Variants in NECAB1 observed in about 807,000 individuals in gnomAD.
NECAB1 encodes the protein N-terminal EF-hand calcium-binding protein 1.
Under a neutral mutation model 57.5 loss-of-function variants are expected in NECAB1, and 29 were observed. That is an observed-to-expected ratio of 0.50 (90% confidence interval 0.38 to 0.69). NECAB1 has a LOEUF of 0.69. Among genes scored for constraint, NECAB1 ranks in the 30% least tolerant of loss-of-function variants. The pLI, the probability that NECAB1 is intolerant of heterozygous loss-of-function variation, is 0.00. For synonymous variants in NECAB1, 142 were observed against 147.7 expected (o/e 0.96, Z 0.28); for missense variants, 372 against 413.8 (o/e 0.90, Z 0.88).
chr8:90,886,287 C>T (rs1026017198), intron 5 of NECAB1, among the ~76,000 whole-genome samples: 4 of 151,726 alleles, frequency 2.6e-5, no homozygotes, highest in Non-Finnish European at 4.4e-5. Flanking sequence ...AGGAGTCCTA[C>T]TGATTTTTTT....
intron 3 of NECAB1, among the ~76,000 whole-genome samples, chr8:90,839,796 G>T (rs1812426900): frequency 1.3e-5 from 2 of 152,170 alleles, no homozygotes; most frequent in South Asian, 4.1e-4. Flanking sequence ...AAAGGCTTGA[G>T]AATCAGTGGG....
chr8:90,824,873 C>T (rs953887358), intron 3 of NECAB1, 48 bp downstream of exon 3: 26 of 940,416 alleles, frequency 2.8e-5, no homozygotes, highest in African/African-American at 2.7e-4. Flanking sequence ...GCACAGAGAG[C>T]GTGAATGCAT....
At chr8:90,860,377 T>G (rs1042182310) in intron 3 of NECAB1, among the ~76,000 whole-genome samples, 14 of 152,012 alleles carry the variant, frequency 9.2e-5, no homozygotes, top group Non-Finnish European at 1.8e-4. Context: ...TTTATAGAGC[T>G]CTAAAAATGA....
chr8:90,876,274 A>T (rs1208080055), intron 4 of NECAB1, among the ~76,000 whole-genome samples: 1 of 152,032 alleles, frequency 6.6e-6, no homozygotes, highest in Non-Finnish European at 1.5e-5. Context: ...GATGATTGAG[A>T]TGTAAGAGAG....
At position 90,858,532 on chromosome 8, in the gene NECAB1, A is replaced by G. The variant is rs141917751; in HGVS notation, c.234-13596A>G. Among the ~76,000 whole-genome samples the G allele has an allele frequency of 5.5e-3, 843 of 152,164 alleles. 7 individuals are homozygous for G. The highest frequency in any genetic ancestry group is 8.3e-3 in the Non-Finnish European group (567 of 67,982). ...AAAACATTTCTAATGAAAGAAAGAG[A>G]GTATATCCATGAATATCTGAGACTG... On this transcript the variant is annotated intron_variant, in intron 3 of 12. Transcript: ENST00000417640.
chr8:90,917,378 C>G, intron 5 of NECAB1, 114 bp from the exon 6 acceptor site: 4 of 855,976 alleles, frequency 4.7e-6, no homozygotes, highest in East Asian at 2.9e-5. Flanking sequence ...TTCTCTCCAC[C>G]CTCTCTCTCT....
chr8:90,909,733 A>G lies in NECAB1; in HGVS notation c.358-7759A>G, dbSNP rs75229983. Among the ~76,000 whole-genome samples, 1,360 of 152,230 alleles carry G rather than the reference A, an allele frequency of 8.9e-3. 15 individuals carry two copies. The highest frequency in any genetic ancestry group is 0.015 in the Non-Finnish European group (991 of 67,970). On this transcript the variant is annotated intron_variant, in intron 5 of 12. Coordinates refer to ENST00000417640, the MANE Select transcript of NECAB1 (RefSeq NM_022351.5). ...CTCTATATGTCTCCATGCATGAAGA[A>G]TTCTTGCTTTGTCAGTCCAGCAATT... is the stretch of plus-strand genomic sequence containing the variant.
At chr8:90,933,498 T>G (rs1810458130) in intron 8 of NECAB1, among the ~76,000 whole-genome samples, 1 of 152,170 alleles carries the variant, frequency 6.6e-6, no homozygotes, top group South Asian at 2.1e-4. Context: ...CCATTCTATA[T>G]TCTCACTCAT....
At chr8:90,934,484 T>C (rs1268491180) in intron 9 of NECAB1, 127 bp downstream of exon 9, 2 of 647,138 alleles carry the variant, frequency 3.1e-6, no homozygotes, top group Non-Finnish European at 5.0e-6. Context: ...TTTTATAAGA[T>C]TCAGTAGTGT....
chr8:90,895,277 A>T (rs932793836), intron 5 of NECAB1, among the ~76,000 whole-genome samples: 3 of 152,230 alleles, frequency 2.0e-5, no homozygotes, highest in African/African-American at 7.2e-5. Context: ...TGGAAGCACA[A>T]AGGAGGTATG....
chr8:90,940,659 T>C, intron 9 of NECAB1, 127 bp from the exon 10 acceptor site: 1 of 686,286 alleles, frequency 1.5e-6, no homozygotes, highest in Non-Finnish European at 2.6e-6. Context: ...AGTCATGGCC[T>C]TCCTTGGTCA....
intron 3 of NECAB1, among the ~76,000 whole-genome samples, chr8:90,833,556 C>T (rs180940813): frequency 3.3e-4 from 50 of 152,020 alleles, no homozygotes; most frequent in South Asian, 1.7e-3. Flanking sequence ...TCTTTCTTTC[C>T]GCCAGCCATG....
intron 3 of NECAB1, among the ~76,000 whole-genome samples, chr8:90,866,030 G>A (rs1308496223): frequency 2.6e-5 from 4 of 152,074 alleles, no homozygotes; most frequent in Admixed American, 2.6e-4. Flanking sequence ...TATAATTCAT[G>A]GAATTAAGAA....
intron 8 of NECAB1, among the ~76,000 whole-genome samples, chr8:90,929,631 G>C (rs1176262963): frequency 6.6e-6 from 1 of 152,162 alleles, no homozygotes; most frequent in African/African-American, 2.4e-5. Context: ...TCCTGGATAG[G>C]GGAGGGGGAA....
chr8:90,888,865 T>C (rs1408706498), intron 5 of NECAB1, among the ~76,000 whole-genome samples: 1 of 152,206 alleles, frequency 6.6e-6, no homozygotes, highest in Non-Finnish European at 1.5e-5. Flanking sequence ...ACATGGAATG[T>C]AGTTCTAACA....
intron 2 of NECAB1, among the ~76,000 whole-genome samples, chr8:90,822,568 C>T (rs540340155): frequency 6.6e-6 from 1 of 151,766 alleles, no homozygotes; most frequent in East Asian, 1.9e-4. Flanking sequence ...AGTCTTTTAG[C>T]CCCAGAGAAT....
At chr8:90,803,944 T>C (rs1406467377) in intron 2 of NECAB1, among the ~76,000 whole-genome samples, 1 of 152,212 alleles carries the variant, frequency 6.6e-6, no homozygotes, top group Non-Finnish European at 1.5e-5. Flanking sequence ...CCTCTCCCTG[T>C]GTTCTCAGCA....
intron 8 of NECAB1, among the ~76,000 whole-genome samples, chr8:90,934,040 T>C (rs977146624): frequency 1.3e-5 from 2 of 152,172 alleles, no homozygotes; most frequent in Admixed American, 6.5e-5. Flanking sequence ...TCTCTTCCAC[T>C]TTGCTCTCTA....
At chr8:90,883,163 T>C (rs1586082563) in intron 5 of NECAB1, among the ~76,000 whole-genome samples, 1 of 152,296 alleles carries the variant, frequency 6.6e-6, no homozygotes, top group East Asian at 1.9e-4. Flanking sequence ...TTACAAAATC[T>C]TTTTCTTGGC....
Sources: allele counts gnomAD v4.1 joint callset (sites outside exome capture counted in the v4.1 genomes callset), GRCh38; gene constraint gnomAD v4.1.1; transcripts MANE v1.5; gene names NCBI Gene and HGNC (gene_info 2026-07-23, HGNC 2026-07-21).